The following GPHN variants were observed in gnomAD, a reference collection of about 807,000 sequenced individuals.
GPHN encodes gephyrin.
Under a neutral mutation model 95.5 loss-of-function variants are expected in GPHN, and 17 were observed. The observed-to-expected ratio is 0.18, with a 90% confidence interval of 0.12 to 0.27. The LOEUF is 0.27. Ranked by LOEUF, GPHN falls within the 10% of genes least tolerant of loss-of-function variation. The pLI is 1.00. For missense variants in GPHN, 660 were observed against 978.1 expected, an observed-to-expected ratio of 0.67 and a Z score of 4.34; for synonymous variants, 320 against 322.5, an observed-to-expected ratio of 0.99 and a Z score of 0.08.
intron 13 of GPHN, among the ~76,000 whole-genome samples, chr14:67,108,711 G>GT (rs2078184041): frequency 2.5e-5 from 3 of 121,796 alleles, no homozygotes; most frequent in Non-Finnish European, 5.2e-5. Context: ...ATTCCCTAAG[G>GT]GGTGTGTGTG....
Position 67,122,319 on chromosome 14 carries a change from C to T in GPHN, c.1690C>T (p.Leu564=). 2 of 1,612,944 alleles carry T rather than the reference C, an allele frequency of 1.2e-6. No homozygotes were observed. The highest frequency in any genetic ancestry group is 1.7e-6 in the Non-Finnish European group (2 of 1,178,948). Residue 564 remains leucine (L), a synonymous_variant, in exon 17 of 23, where the codon CTA becomes TTA. Transcript: ENST00000478722. ...TCGAGACAGCAATCGTTCAACTCTT[C>T]TAGCAACAATTCAGGAACATGGTTA... ...KIRDSNRSTL[L]ATIQEHGYPT... is the part of the protein sequence containing the mutation.
At chr14:67,256,488 TA>T in the GPHN span, among the ~76,000 whole-genome samples, 1 of 152,236 alleles carries the variant, frequency 6.6e-6, no homozygotes, top group Non-Finnish European at 1.5e-5. Context: ...ATATCAAAAT[TA>T]TTACCATTTC....
intron 2 of GPHN, among the ~76,000 whole-genome samples, chr14:66,701,209 T>G (rs2153414896): frequency 6.6e-6 from 1 of 152,326 alleles, no homozygotes; most frequent in Middle Eastern, 3.4e-3. Context: ...ATTACACATT[T>G]GAATAAAAAT....
the GPHN span, chr14:67,585,671 G>A: frequency 1.3e-5 from 19 of 1,497,568 alleles, no homozygotes; most frequent in Non-Finnish European, 1.7e-5. Flanking sequence ...AAGGATGCAG[G>A]CTGCTCCCTG....
the GPHN span, among the ~76,000 whole-genome samples, chr14:67,194,406 A>T: frequency 6.6e-6 from 1 of 151,882 alleles, no homozygotes; most frequent in Non-Finnish European, 1.5e-5. Context: ...AATGTACTTT[A>T]CCATTGGTAA....
intron 1 of GPHN, among the ~76,000 whole-genome samples, chr14:66,660,529 A>C (rs568476026): frequency 6.6e-6 from 1 of 152,152 alleles, no homozygotes; most frequent in Non-Finnish European, 1.5e-5. Context: ...TTCTTCATCA[A>C]AGAATGTCGT....
At chr14:66,784,001 G>A (rs193270212) in intron 3 of GPHN, among the ~76,000 whole-genome samples, 212 of 152,078 alleles carry the variant, frequency 1.4e-3, no homozygotes, top group Middle Eastern at 3.4e-3. Flanking sequence ...CAAGAACAAG[G>A]AAAATCACAG....
the GPHN span, among the ~76,000 whole-genome samples, chr14:67,253,863 C>A: frequency 6.6e-6 from 1 of 150,670 alleles, no homozygotes; most frequent in African/African-American, 2.4e-5. Context: ...AAAAAGACAT[C>A]ATTTCCAGAG....
intron 2 of GPHN, among the ~76,000 whole-genome samples, chr14:66,713,408 A>G (rs1008445951): frequency 2.0e-5 from 3 of 151,908 alleles, no homozygotes; most frequent in Admixed American, 2.0e-4. Flanking sequence ...TCCCCACTTT[A>G]TGTTTTTGTT....
intron 21 of GPHN, among the ~76,000 whole-genome samples, chr14:67,174,106 G>T (rs1425352017): frequency 1.3e-5 from 2 of 152,152 alleles, no homozygotes; most frequent in Non-Finnish European, 2.9e-5. Context: ...AACTTCTGGG[G>T]TACATGTGCA....
chr14:67,385,686 G>T, the GPHN span: 9 of 144,410 alleles, frequency 6.2e-5, no homozygotes, highest in African/African-American at 2.3e-4. Flanking sequence ...TTGGCAAATG[G>T]TGTTATATTG....
At chr14:67,341,529 C>G in the GPHN span, among the ~76,000 whole-genome samples, 3 of 151,072 alleles carry the variant, frequency 2.0e-5, no homozygotes, top group Non-Finnish European at 4.4e-5. Flanking sequence ...GTCAGCCCCC[C>G]GCCTGGCCAG....
chr14:67,490,147 A>G, the GPHN span, among the ~76,000 whole-genome samples: 1 of 152,232 alleles, frequency 6.6e-6, no homozygotes, highest in African/African-American at 2.4e-5. Context: ...CAATGTTACT[A>G]ATCAAACATA....
intron 1 of GPHN, among the ~76,000 whole-genome samples, chr14:66,545,354 C>T (rs528067179): frequency 6.9e-6 from 1 of 145,356 alleles, no homozygotes; most frequent in African/African-American, 2.6e-5. Flanking sequence ...CCACCTCCCT[C>T]CCGGACGGGG....
At chr14:67,264,063 G>C in the GPHN span, among the ~76,000 whole-genome samples, 18 of 152,116 alleles carry the variant, frequency 1.2e-4, no homozygotes, top group Non-Finnish European at 1.9e-4. Context: ...CATGGCACTC[G>C]GCAATAATTT....
intron 1 of GPHN, among the ~76,000 whole-genome samples, chr14:66,625,236 A>C (rs933925093): frequency 1.3e-5 from 2 of 151,732 alleles, no homozygotes; most frequent in African/African-American, 4.8e-5. Context: ...GCACCACCAC[A>C]CCTAATTTTA....
At chr14:67,382,051 C>G in the GPHN span, among the ~76,000 whole-genome samples, 1 of 151,990 alleles carries the variant, frequency 6.6e-6, no homozygotes, top group Non-Finnish European at 1.5e-5. Context: ...TGATCAGAAT[C>G]TTTCATTAGT....
intron 8 of GPHN, among the ~76,000 whole-genome samples, chr14:66,963,107 C>T (rs1478176615): frequency 6.6e-6 from 1 of 151,952 alleles, no homozygotes; most frequent in Non-Finnish European, 1.5e-5. Flanking sequence ...GGTGATCTGA[C>T]ACATTTGAAT....
chr14:67,630,517 C>A, the GPHN span, among the ~76,000 whole-genome samples: 1 of 152,160 alleles, frequency 6.6e-6, no homozygotes, highest in Non-Finnish European at 1.5e-5. Flanking sequence ...ATCCTATTGT[C>A]CAGAACTAGT....
Sources: gnomAD v4.1 joint callset for allele counts (sites outside exome capture counted in the v4.1 genomes callset) on GRCh38, gnomAD v4.1.1 for gene constraint, MANE v1.5 for transcripts, NCBI Gene and HGNC (gene_info 2026-07-23, HGNC 2026-07-21) for gene names.